The following CCSER1 variants were observed in gnomAD, a reference collection of about 807,000 sequenced individuals.
CCSER1 encodes serine-rich coiled-coil domain-containing protein 1.
CCSER1 carries 41 observed loss-of-function variants against 82.0 expected under a neutral mutation model. That is an observed-to-expected ratio of 0.50 (90% confidence interval 0.39 to 0.65). CCSER1 has a LOEUF of 0.65. CCSER1 is among the 30% of genes least tolerant of loss of function. The pLI is 0.00. For synonymous variants in CCSER1, 414 were observed against 383.9 expected (o/e 1.08, Z -0.92); for missense variants, 1,119 against 1,064.2 (o/e 1.05, Z -0.72).
intron 10 of CCSER1, among the ~76,000 whole-genome samples, chr4:91,186,050 T>C (rs1180507264): frequency 6.6e-6 from 1 of 152,220 alleles, no homozygotes; most frequent in East Asian, 1.9e-4. Flanking sequence ...AATCACCCTC[T>C]CGTCTAGCTT....
intron 7 of CCSER1, among the ~76,000 whole-genome samples, chr4:90,747,183 G>A (rs1747626831): frequency 6.6e-6 from 1 of 152,134 alleles, no homozygotes. Context: ...CATGTATTGA[G>A]ATCATAATCC....
chr4:90,567,987 GTA>G, intron 5 of CCSER1, among the ~76,000 whole-genome samples: 1 of 152,180 alleles, frequency 6.6e-6, no homozygotes, highest in Non-Finnish European at 1.5e-5. Context: ...TAATTTCCAT[GTA>G]TTTGTGAATT....
Position 90,308,256 on chromosome 4 carries a change from G to C in CCSER1, c.-29G>C, listed in dbSNP as rs758872043. The C allele has an allele frequency of 1.2e-5, 18 of 1,501,032 alleles. No individual in the cohort carries two copies. Among genetic ancestry groups the C allele is most frequent in the Non-Finnish European group, 1.4e-5 (16 of 1,126,252 alleles). 93.0% of individuals were successfully genotyped at this position (1,501,032 alleles called of 1,614,324 possible). ...TAACCTTTCTCAGGCTGCAAAGTTG[G>C]CTTTCACAGTGCAAGCCTTTGATTC... On this transcript the variant is annotated 5_prime_UTR_variant, in exon 2 of 11. Coordinates refer to ENST00000509176, the MANE Select transcript of CCSER1 (RefSeq NM_001145065.2).
At chr4:91,033,525 T>A (rs1350120776) in intron 9 of CCSER1, among the ~76,000 whole-genome samples, 1 of 152,180 alleles carries the variant, frequency 6.6e-6, no homozygotes, top group East Asian at 1.9e-4. Context: ...GGGGCACAGA[T>A]AACTTCTTGG....
At chr4:90,513,698 G>A (rs1771866939) in intron 5 of CCSER1, among the ~76,000 whole-genome samples, 1 of 152,100 alleles carries the variant, frequency 6.6e-6, no homozygotes, top group South Asian at 2.1e-4. Flanking sequence ...CTGAAATTGG[G>A]TAGATGAAGA....
At chr4:91,442,761 C>T (rs1290222846) in intron 10 of CCSER1, among the ~76,000 whole-genome samples, 1 of 145,336 alleles carries the variant, frequency 6.9e-6, no homozygotes, top group Non-Finnish European at 1.5e-5. Flanking sequence ...ACAATGAACT[C>T]AAACAAATTT....
At chr4:90,375,204 G>A (rs1748112183) in intron 3 of CCSER1, among the ~76,000 whole-genome samples, 1 of 152,134 alleles carries the variant, frequency 6.6e-6, no homozygotes, top group Non-Finnish European at 1.5e-5. Flanking sequence ...AGACTGACAT[G>A]CTTCTAGATT....
rs1164631524 is a variant in CCSER1 at position 90,401,533 on chromosome 4, T to G, written c.1603+1404T>G. Among the ~76,000 whole-genome samples the G allele has an allele frequency of 2.0e-5, 3 of 152,276 alleles. No individual in the cohort carries two copies. In the East Asian group the frequency reaches 5.8e-4, roughly 29 times the overall value. ...CATTATTGTAAGGATATATTATTTG[T>G]TTTTGTTTTGTTTTGTTTGAAACAA... On this transcript the variant is annotated intron_variant, in intron 4 of 10. Transcript: ENST00000509176.
chr4:91,201,338 A>T (rs904931949), intron 10 of CCSER1, among the ~76,000 whole-genome samples: 7 of 152,064 alleles, frequency 4.6e-5, no homozygotes, highest in African/African-American at 1.7e-4. Flanking sequence ...CTCAGTTTCC[A>T]TGAATAAATG....
intron 6 of CCSER1, among the ~76,000 whole-genome samples, chr4:90,721,192 A>G (rs1742617718): frequency 6.6e-6 from 1 of 151,894 alleles, no homozygotes; most frequent in African/African-American, 2.4e-5. Context: ...GAGGTGACCA[A>G]TTTGTGCAAA....
chr4:91,195,639 G>T (rs753037550), intron 10 of CCSER1, among the ~76,000 whole-genome samples: 1 of 152,038 alleles, frequency 6.6e-6, no homozygotes, highest in Non-Finnish European at 1.5e-5. Context: ...TGCTACTCAA[G>T]ATTTTCATAA....
At chr4:90,313,965 C>T (rs1735735181) in intron 3 of CCSER1, among the ~76,000 whole-genome samples, 1 of 152,176 alleles carries the variant, frequency 6.6e-6, no homozygotes, top group African/African-American at 2.4e-5. Flanking sequence ...CTTATGATAT[C>T]TCTATTGTTT....
intron 1 of CCSER1, among the ~76,000 whole-genome samples, chr4:90,140,657 C>CTTTTTT (rs34194245): frequency 3.1e-5 from 2 of 63,602 alleles, no homozygotes; most frequent in Admixed American, 1.9e-4. Context: ...TTTTGGTCTA[C>CTTTTTT]TTTTTTTTTT....
chr4:90,979,968 C>G (rs1735957205), intron 9 of CCSER1, among the ~76,000 whole-genome samples: 1 of 135,542 alleles, frequency 7.4e-6, no homozygotes, highest in Admixed American at 7.9e-5. Flanking sequence ...AATTTATGTT[C>G]AAGTGATGAA....
intron 9 of CCSER1, among the ~76,000 whole-genome samples, chr4:91,035,616 T>C (rs780936201): frequency 7.2e-5 from 11 of 152,098 alleles, no homozygotes; most frequent in Non-Finnish European, 1.5e-4. Flanking sequence ...ATTTTTACAA[T>C]ATAAAACATG....
chr4:90,634,488 G>C (rs1174827441), intron 6 of CCSER1, among the ~76,000 whole-genome samples: 2 of 151,540 alleles, frequency 1.3e-5, no homozygotes, highest in African/African-American at 4.8e-5. Context: ...AAAATTTACA[G>C]TGTTTTCTAC....
intron 8 of CCSER1, among the ~76,000 whole-genome samples, chr4:90,836,302 A>G (rs753091282): frequency 6.6e-6 from 1 of 152,122 alleles, no homozygotes; most frequent in African/African-American, 2.4e-5. Flanking sequence ...TGAATGTATT[A>G]GTCAAATGTC....
chr4:90,588,818 G>A (rs1257783529), intron 5 of CCSER1, among the ~76,000 whole-genome samples: 1 of 152,148 alleles, frequency 6.6e-6, no homozygotes, highest in East Asian at 1.9e-4. Flanking sequence ...CGCTATGTAA[G>A]CCATGCCTTT....
chr4:91,244,266 A>T (rs565420453), intron 10 of CCSER1, among the ~76,000 whole-genome samples: 1 of 152,298 alleles, frequency 6.6e-6, no homozygotes, highest in African/African-American at 2.4e-5. Context: ...CATCAGGTAT[A>T]CTGTTAAGGT....
Sources: allele counts gnomAD v4.1 joint callset (sites outside exome capture counted in the v4.1 genomes callset), GRCh38; gene constraint gnomAD v4.1.1; transcripts MANE v1.5; gene names NCBI Gene and HGNC (gene_info 2026-07-23, HGNC 2026-07-21).